Variants in CACNA2D3 observed in about 807,000 individuals in gnomAD.
The protein encoded by CACNA2D3 is calcium voltage-gated channel auxiliary subunit alpha2delta 3, also known as voltage-dependent calcium channel subunit alpha-2/delta-3.
Under a neutral mutation model 160.6 loss-of-function variants are expected in CACNA2D3, and 60 were observed. The observed-to-expected ratio is 0.37, with a 90% CI of 0.30 to 0.46. CACNA2D3 has a LOEUF of 0.46. Among genes scored for constraint, CACNA2D3 ranks in the 20% least tolerant of loss-of-function variants. CACNA2D3 has a pLI of 1.00. For missense variants in CACNA2D3, 1,205 were observed against 1,365.0 expected (o/e 0.88, Z 1.85); for synonymous variants, 558 against 492.9 (o/e 1.13, Z -1.75).
intron 13 of CACNA2D3, among the ~76,000 whole-genome samples, chr3:54,787,084 T>C (rs1702655876): frequency 6.6e-6 from 1 of 152,240 alleles, no homozygotes; most frequent in African/African-American, 2.4e-5. Flanking sequence ...TCAGAGCTTT[T>C]CCCTTCTTGT....
At chr3:54,262,340 A>T (rs950389440) in intron 2 of CACNA2D3, among the ~76,000 whole-genome samples, 1 of 152,144 alleles carries the variant, frequency 6.6e-6, no homozygotes, top group African/African-American at 2.4e-5. Context: ...ATTGAGGCAC[A>T]GAGAGTTCCC....
At chr3:54,844,447 C>T (rs1698889621) in intron 16 of CACNA2D3, among the ~76,000 whole-genome samples, 1 of 152,128 alleles carries the variant, frequency 6.6e-6, no homozygotes, top group African/African-American at 2.4e-5. Context: ...AAGATGAGCT[C>T]AGCGTCTGCA....
chr3:54,728,109 A>G (rs1006890968), intron 11 of CACNA2D3, among the ~76,000 whole-genome samples: 1 of 152,160 alleles, frequency 6.6e-6, no homozygotes. Flanking sequence ...ATCTTCTTGA[A>G]TCTATGGCCG....
At chr3:54,674,061 G>A (rs1043760428) in intron 11 of CACNA2D3, among the ~76,000 whole-genome samples, 20 of 152,220 alleles carry the variant, frequency 1.3e-4, no homozygotes, top group African/African-American at 4.8e-4. Context: ...GTCATTAATA[G>A]TAATAGATAA....
chr3:54,651,693 C>T (rs1470918401), intron 11 of CACNA2D3, among the ~76,000 whole-genome samples: 1 of 152,062 alleles, frequency 6.6e-6, no homozygotes, highest in African/African-American at 2.4e-5. Flanking sequence ...TGCCCCAAGC[C>T]TCCCCCGTGC....
At position 54,285,105 on chromosome 3, in the gene CACNA2D3, C is replaced by T. The variant is rs148652073; in HGVS notation, c.205-35337C>T. On this transcript the variant is annotated intron_variant, in intron 2 of 37. Coordinates refer to ENST00000474759, the MANE Select transcript of CACNA2D3 (RefSeq NM_018398.3). ...GTGCAGGACAGTGGGTGCAGCGCAC[C>T]GTGCGCGAGCCGAAGCAGGACGAGG... Among the ~76,000 whole-genome samples the T allele has an allele frequency of 4.0e-3, 605 of 152,246 alleles. 15 individuals carry two copies. The East Asian group carries it at 0.062, about 16-fold the overall frequency.
chr3:54,918,077 G>T (rs1700705120), intron 27 of CACNA2D3, among the ~76,000 whole-genome samples: 1 of 152,092 alleles, frequency 6.6e-6, no homozygotes, highest in Non-Finnish European at 1.5e-5. Flanking sequence ...GGACCATAAA[G>T]CTCCCAGGAA....
chr3:54,496,171 A>G (rs1701199390), intron 4 of CACNA2D3, among the ~76,000 whole-genome samples: 2 of 152,226 alleles, frequency 1.3e-5, no homozygotes, highest in Non-Finnish European at 2.9e-5. Flanking sequence ...AATAGCTAGA[A>G]GTGGAATTGC....
chr3:54,990,514 G>C (rs1457721032), intron 31 of CACNA2D3, among the ~76,000 whole-genome samples: 3 of 152,192 alleles, frequency 2.0e-5, no homozygotes, highest in Admixed American at 6.5e-5. Context: ...CTGGGTGACA[G>C]AGCGAGACTC....
chr3:54,559,773 G>A (rs1302456767), intron 5 of CACNA2D3, among the ~76,000 whole-genome samples: 1 of 152,154 alleles, frequency 6.6e-6, no homozygotes. Flanking sequence ...GCCCCAGTGT[G>A]TGTTGTTCTC....
chr3:54,724,840 C>G (rs1370961995), intron 11 of CACNA2D3, among the ~76,000 whole-genome samples: 1 of 152,078 alleles, frequency 6.6e-6, no homozygotes, highest in Non-Finnish European at 1.5e-5. Context: ...AATTGACACG[C>G]TAATATCAAA....
chr3:54,226,904 T>A (rs2107386010), intron 2 of CACNA2D3, among the ~76,000 whole-genome samples: 1 of 152,374 alleles, frequency 6.6e-6, no homozygotes, highest in African/African-American at 2.4e-5. Flanking sequence ...GTACTTGATC[T>A]AGCTTTTCTA....
chr3:54,401,149 G>C (rs968271764), intron 4 of CACNA2D3, among the ~76,000 whole-genome samples: 3 of 151,778 alleles, frequency 2.0e-5, no homozygotes, highest in East Asian at 1.9e-4. Flanking sequence ...GCAGAAGAAA[G>C]AAACTCTGAA....
intron 3 of CACNA2D3, among the ~76,000 whole-genome samples, chr3:54,326,313 A>C (rs1392271030): frequency 6.6e-6 from 1 of 152,192 alleles, no homozygotes; most frequent in Non-Finnish European, 1.5e-5. Flanking sequence ...GGGTACTATT[A>C]AAGCAACTTT....
In CACNA2D3 at chr3:54,323,798, A is replaced by G. The variant is rs183528382; in HGVS notation, c.321+3240A>G. ...CGCTATTTTCTGATAGGTCAGGAAC[A>G]GAACAGATTTTAGGTTTGGCCCTAT... On this transcript the variant is annotated intron_variant, in intron 3 of 37. Coordinates refer to ENST00000474759, the MANE Select transcript of CACNA2D3 (RefSeq NM_018398.3). 1.0e-3 allele frequency among the ~76,000 whole-genome samples: 159 copies of G among 152,272 alleles called. 1 individual carries two copies. Among genetic ancestry groups the G allele is most frequent in the African/African-American group, 3.6e-3 (149 of 41,544 alleles).
chr3:54,436,143 C>G (rs750740954), intron 4 of CACNA2D3, among the ~76,000 whole-genome samples: 1 of 151,802 alleles, frequency 6.6e-6, no homozygotes, highest in Non-Finnish European at 1.5e-5. Context: ...GAGAATGAGA[C>G]CAAAAAATAA....
At chr3:54,391,215 A>G (rs1341459037) in intron 4 of CACNA2D3, among the ~76,000 whole-genome samples, 1 of 152,212 alleles carries the variant, frequency 6.6e-6, no homozygotes, top group African/African-American at 2.4e-5. Flanking sequence ...TTAGAAAAAG[A>G]AAGTTACAAC....
In CACNA2D3 at chr3:54,558,580, C is replaced by T. The variant is rs1702275815; in HGVS notation, c.545-4220C>T. On this transcript the variant is annotated intron_variant, in intron 5 of 37. Coordinates refer to ENST00000474759, the MANE Select transcript of CACNA2D3 (RefSeq NM_018398.3). Reference sequence around the variant, plus strand: ...CCTCACCCTCCTCCCACCCTCCACCCTCAAGTAGGCCCCAGTGTGTGTTGT... The same window carrying T: ...CCTCACCCTCCTCCCACCCTCCACCTTCAAGTAGGCCCCAGTGTGTGTTGT... Among the ~76,000 whole-genome samples, 4 of 152,280 alleles carry T rather than the reference C, an allele frequency of 2.6e-5. No homozygotes were observed. The South Asian group carries it at 8.3e-4, about 32-fold the overall frequency.
chr3:54,485,327 G>A (rs908168801), intron 4 of CACNA2D3, among the ~76,000 whole-genome samples: 4 of 152,154 alleles, frequency 2.6e-5, no homozygotes, highest in East Asian at 1.9e-4. Context: ...AAATTCATAG[G>A]AGAATTTTTT....
Sources: gnomAD v4.1 joint callset for allele counts (sites outside exome capture counted in the v4.1 genomes callset) on GRCh38, gnomAD v4.1.1 for gene constraint, MANE v1.5 for transcripts, NCBI Gene and HGNC (gene_info 2026-07-23, HGNC 2026-07-21) for gene names.